Variants in FSHR observed in about 807,000 individuals in gnomAD.
FSHR encodes follicle stimulating hormone receptor, also known as follicle-stimulating hormone receptor.
In FSHR, 46 loss-of-function variants were observed where a neutral mutation model predicts 52.1. The observed-to-expected ratio is 0.88, with a 90% CI of 0.70 to 1.13. The LOEUF is 1.13. Ranked by LOEUF, FSHR falls within the 50% of genes most tolerant of loss-of-function variation. The pLI is 0.00. For missense variants in FSHR, 964 were observed against 834.6 expected, an observed-to-expected ratio of 1.16 and a Z score of -1.91; for synonymous variants, 399 against 309.6, an observed-to-expected ratio of 1.29 and a Z score of -3.03.
chr2:49,087,435 A>G (rs1670441927), intron 1 of FSHR, among the ~76,000 whole-genome samples: 1 of 152,166 alleles, frequency 6.6e-6, no homozygotes, highest in Non-Finnish European at 1.5e-5. Context: ...TCTTTTGACA[A>G]ATATTCACTG....
intron 9 of FSHR, among the ~76,000 whole-genome samples, chr2:48,967,180 C>A (rs1413565976): frequency 1.3e-5 from 2 of 152,166 alleles, no homozygotes; most frequent in Non-Finnish European, 2.9e-5. Flanking sequence ...ACTGCAGCCT[C>A]GACCTCCTGG....
At chr2:48,997,415 A>C (rs1676071507) in intron 4 of FSHR, 1 of 984,518 alleles carries the variant, frequency 1.0e-6, no homozygotes, top group Admixed American at 6.2e-5. Context: ...GGTCAGTCCT[A>C]TCGGCTTGGC....
intron 2 of FSHR, among the ~76,000 whole-genome samples, chr2:49,052,970 T>A (rs1198593806): frequency 6.6e-6 from 1 of 152,238 alleles, no homozygotes; most frequent in Non-Finnish European, 1.5e-5. Flanking sequence ...TCAACTTTTT[T>A]AATGTGTTTG....
At chr2:48,973,827 C>T (rs1674856637) in intron 8 of FSHR, among the ~76,000 whole-genome samples, 1 of 152,170 alleles carries the variant, frequency 6.6e-6, no homozygotes, top group Admixed American at 6.5e-5. Context: ...CTCCGACTTC[C>T]AGAAATTGCA....
At chr2:48,974,770 G>T (rs1674908591) in intron 8 of FSHR, among the ~76,000 whole-genome samples, 1 of 152,046 alleles carries the variant, frequency 6.6e-6, no homozygotes, top group South Asian at 2.1e-4. Context: ...CAGGGACAAA[G>T]ATGAGATAAG....
rs1407233884 is a variant in FSHR, at chr2:48,983,183, A to G, written c.525-17T>C. The G allele has an allele frequency of 6.2e-7, 1 of 1,611,526 alleles. No homozygotes were observed. Among genetic ancestry groups the G allele is most frequent in the Non-Finnish European group, 8.5e-7 (1 of 1,177,728 alleles). ...TTCAGCCATCTGAAATAAAAGGCCTATTAAAAAACCAATAATGTCAGATGC... is the reference window on the plus strand; with the variant it reads ...TTCAGCCATCTGAAATAAAAGGCCTGTTAAAAAACCAATAATGTCAGATGC... On this transcript the variant is annotated splice_polypyrimidine_tract_variant and intron_variant, in intron 6 of 9. Coordinates refer to ENST00000406846, the MANE Select transcript of FSHR (RefSeq NM_000145.4).
rs543710698 is a variant in FSHR at position 49,129,445 on chromosome 2, A to G, written c.152+24821T>C. 4.6e-5 allele frequency among the ~76,000 whole-genome samples: 7 copies of G among 152,326 alleles called. No homozygotes were observed. In the South Asian group the frequency reaches 1.2e-3, roughly 27 times the overall value. ...AGTCAATAATCAGAATCATTTGTGT[A>G]TTTCTGATTCTGATAGGATGATAAG... On this transcript the variant is annotated intron_variant, in intron 1 of 9. Transcript: ENST00000406846.
At chr2:48,964,013 T>C in intron 9 of FSHR, 47 bp from the exon 10 acceptor site, 1 of 1,562,706 alleles carries the variant, frequency 6.4e-7, no homozygotes, top group Non-Finnish European at 8.7e-7. Context: ...AGATCCAGTA[T>C]AGCAAATACA....
intron 1 of FSHR, among the ~76,000 whole-genome samples, chr2:49,140,178 C>G (rs565625024): frequency 2.6e-5 from 4 of 152,164 alleles, no homozygotes; most frequent in African/African-American, 9.6e-5. Flanking sequence ...GAGCTAGGGC[C>G]TGGTGGGAGG....
chr2:49,025,732 G>T (rs1667892255), intron 2 of FSHR, among the ~76,000 whole-genome samples: 1 of 152,136 alleles, frequency 6.6e-6, no homozygotes, highest in Non-Finnish European at 1.5e-5. Context: ...GAGAAATTCA[G>T]GTTATTCCCT....
At chr2:49,059,217 A>T (rs1432368647) in intron 2 of FSHR, among the ~76,000 whole-genome samples, 5 of 152,082 alleles carry the variant, frequency 3.3e-5, no homozygotes, top group African/African-American at 1.2e-4. Context: ...TAAAAAAATA[A>T]TAATAAAATA....
intron 2 of FSHR, among the ~76,000 whole-genome samples, chr2:49,049,551 A>C (rs1014047497): frequency 6.6e-6 from 1 of 152,142 alleles, no homozygotes; most frequent in Non-Finnish European, 1.5e-5. Flanking sequence ...AAATGAGGGC[A>C]TATCTGTGCT....
intron 8 of FSHR, among the ~76,000 whole-genome samples, chr2:48,981,480 G>A (rs903565657): frequency 2.0e-5 from 3 of 152,254 alleles, no homozygotes; most frequent in African/African-American, 7.2e-5. Context: ...AAGGCTTAGA[G>A]AGGTAAAAGA....
At chr2:49,089,349 G>A (rs72879834) in intron 1 of FSHR, among the ~76,000 whole-genome samples, 5,906 of 152,108 alleles carry the variant, frequency 0.039, 362 homozygotes, top group African/African-American at 0.14. Context: ...TAACTGTTTT[G>A]CATCAGAAGA....
intron 1 of FSHR, among the ~76,000 whole-genome samples, chr2:49,082,218 A>AC (rs1048431859): frequency 5.3e-5 from 8 of 151,946 alleles, no homozygotes; most frequent in African/African-American, 1.9e-4. Flanking sequence ...ACTGGGAGGC[A>AC]CCCCCCAGCA....
intron 9 of FSHR, 141 bp downstream of exon 9, chr2:48,968,557 T>G: frequency 1.0e-6 from 1 of 975,468 alleles, no homozygotes; most frequent in Non-Finnish European, 1.6e-6. Flanking sequence ...TGAACTGAAT[T>G]TTTGACCCAG....
chr2:49,005,807 G>A (rs1667055601), intron 4 of FSHR, among the ~76,000 whole-genome samples: 1 of 152,082 alleles, frequency 6.6e-6, no homozygotes, highest in Non-Finnish European at 1.5e-5. Flanking sequence ...TTAATATTGA[G>A]TGCCAACTTG....
At chr2:48,986,911 G>T (rs1445560772) in intron 6 of FSHR, among the ~76,000 whole-genome samples, 1 of 152,058 alleles carries the variant, frequency 6.6e-6, no homozygotes, top group South Asian at 2.1e-4. Context: ...CTACAAGAAT[G>T]ATATGAGCAC....
intron 2 of FSHR, among the ~76,000 whole-genome samples, chr2:49,030,011 G>A (rs1408840615): frequency 6.6e-6 from 1 of 152,178 alleles, no homozygotes; most frequent in Admixed American, 6.5e-5. Context: ...TCCTTCTTAT[G>A]GCACTGCATC....
Sources: allele counts gnomAD v4.1 joint callset (sites outside exome capture counted in the v4.1 genomes callset), GRCh38; gene constraint gnomAD v4.1.1; transcripts MANE v1.5; gene names NCBI Gene and HGNC (gene_info 2026-07-23, HGNC 2026-07-21).